The following PCNT variants were observed in gnomAD, a reference collection of about 807,000 sequenced individuals.
The protein encoded by PCNT is pericentrin, also known as kendrin.
PCNT carries 319 observed loss-of-function variants against 380.4 expected under a neutral mutation model. The observed-to-expected ratio is 0.84, with a 90% CI of 0.77 to 0.92. PCNT has a LOEUF of 0.92. Ranked by LOEUF, PCNT falls within the 40% of genes least tolerant of loss-of-function variation. The pLI is 0.00. For missense variants in PCNT, 4,400 were observed against 4,255.3 expected (o/e 1.03, Z -0.95); for synonymous variants, 1,845 against 1,735.2 (o/e 1.06, Z -1.57).
intron 16 of PCNT, 102 bp downstream of exon 16, chr21:46,381,942 GTGT>G (rs917619895): frequency 4.0e-6 from 5 of 1,263,082 alleles, no homozygotes; most frequent in Non-Finnish European, 5.8e-6. Context: ...TGCACTCATG[GTGT>G]TGTGCATTTA....
chr21:46,327,624 T>C (rs747917357), intron 2 of PCNT, among the ~76,000 whole-genome samples: 1 of 152,226 alleles, frequency 6.6e-6, no homozygotes, highest in Non-Finnish European at 1.5e-5. Flanking sequence ...TGAAGACAAG[T>C]GTCAGTTGTT....
rs2053722127 is a variant in PCNT at position 46,445,197 on chromosome 21, G to C, written c.9968-87G>C. The C allele has an allele frequency of 3.4e-6, 3 of 891,502 alleles. No individual in the cohort carries two copies. The African/African-American group carries it at 4.9e-5, about 15-fold the overall frequency. The allele number at this position is 891,502 out of a possible 1,614,324, so 55.2% of individuals were successfully genotyped here. The stretch of plus-strand genomic sequence containing the variant: ...TTACCAAAATTTACATGAATTCAGT[G>C]ATAGTGTTTCAAAATTGTGGAATTC... On this transcript the variant is annotated intron_variant, in intron 46 of 46. Coordinates refer to ENST00000359568, the MANE Select transcript of PCNT (RefSeq NM_006031.6).
rs775638326 is a variant in PCNT, at chr21:46,354,064, A to G, written c.1757A>G (p.His586Arg). Residue 586 changes from histidine (H) to arginine (R), a missense_variant, in exon 11 of 47, where the codon CAT (histidine) becomes CGT (arginine). His to Arg is a conservative substitution (Grantham distance 29). Coordinates refer to ENST00000359568, the MANE Select transcript of PCNT (RefSeq NM_006031.6). ...GTTGATGAACTCGAGCCTGAGCGAC[A>G]TAAGGTAATTGGCCGCGCGCTGAGA... The part of the protein sequence containing the change: ...DHVDELEPER[H>R]KESLPRFQAE... 31 of 1,613,868 alleles carry G rather than the reference A, an allele frequency of 1.9e-5. 1 individual carries two copies. The South Asian group carries it at 3.2e-4, about 17-fold the overall frequency.
chr21:46,344,500 G>A (rs575659129), intron 3 of PCNT, among the ~76,000 whole-genome samples: 1 of 152,214 alleles, frequency 6.6e-6, no homozygotes, highest in Non-Finnish European at 1.5e-5. Context: ...TTCCTCCGGG[G>A]GCCTTTCTAG....
rs145710874 is a variant in PCNT, at chr21:46,416,322, C to T, written c.6404C>T (p.Thr2135Met). ...GACACATGTGATGCCAATACAGCCA[C>T]GGGGGGTGTAACTGATGTTATCAAA... ...HIDTCDANTA[T>M]GGVTDVIKNQ... The change falls in exon 30 of 47, where the codon ACG (threonine) becomes ATG (methionine). Residue 2135 changes from threonine (T) to methionine (M), a missense_variant. Thr to Met is a moderately conservative substitution (Grantham distance 81, BLOSUM62 -1). Transcript: ENST00000359568. 25 of 1,613,796 alleles carry T rather than the reference C, an allele frequency of 1.5e-5. No individual in the cohort carries two copies. The highest frequency in any genetic ancestry group is 8.0e-5 in the African/African-American group (6 of 74,858).
At chr21:46,398,278 G>T in intron 24 of PCNT, 23 bp downstream of exon 24, 1 of 1,594,506 alleles carries the variant, frequency 6.3e-7, no homozygotes. Context: ...CAACGAGATG[G>T]GCACTCCCTG....
intron 11 of PCNT, 90 bp from the exon 12 acceptor site, chr21:46,355,362 G>A (rs543995621): frequency 7.3e-7 from 1 of 1,367,922 alleles, no homozygotes; most frequent in Non-Finnish European, 1.0e-6. Context: ...AGTTTTCTTT[G>A]TGCATAGCAG....
chr21:46,437,183 T>A, intron 40 of PCNT, 102 bp downstream of exon 40: 2 of 761,370 alleles, frequency 2.6e-6, no homozygotes, highest in Non-Finnish European at 4.5e-6. Flanking sequence ...TTGTTCTTCC[T>A]CCCTCGCTGC....
At chr21:46,418,523 G>A (rs756546158) in intron 31 of PCNT, among the ~76,000 whole-genome samples, 4 of 152,144 alleles carry the variant, frequency 2.6e-5, no homozygotes, top group Non-Finnish European at 4.4e-5. Flanking sequence ...CCCGGGCCAC[G>A]CTCCACCCTG....
At chr21:46,398,362 G>C (rs909970341) in intron 24 of PCNT, 107 bp downstream of exon 24, 10 of 1,203,424 alleles carry the variant, frequency 8.3e-6, no homozygotes, top group Non-Finnish European at 1.2e-5. Context: ...TCTTGTTTGG[G>C]CTGCAGCCAT....
intron 13 of PCNT, among the ~76,000 whole-genome samples, chr21:46,357,656 T>A (rs1361583297): frequency 6.6e-6 from 1 of 152,206 alleles, no homozygotes; most frequent in African/African-American, 2.4e-5. Flanking sequence ...GTCAAACGCC[T>A]GACCTCAAGT....
chr21:46,430,308 GA>G (rs1290721498), intron 36 of PCNT, 76 bp downstream of exon 36: 12 of 1,469,184 alleles, frequency 8.2e-6, no homozygotes, highest in Non-Finnish European at 1.1e-5. Context: ...GATGAAGGGA[GA>G]CAGAACCTCT....
Position 46,402,346 on chromosome 21 carries a change from G to A in PCNT, c.4978G>A (p.Glu1660Lys). The change falls in exon 27 of 47, where the codon GAA (glutamate) becomes AAA (lysine). Residue 1660 changes from glutamate (E) to lysine (K), a missense_variant. Glu to Lys is a moderately conservative substitution (Grantham distance 56, BLOSUM62 1). Coordinates refer to ENST00000359568, the MANE Select transcript of PCNT (RefSeq NM_006031.6). ...TTAATGAAAGGTTTTGGACTTAAAA[G>A]AACAGCTAGAAAAGATGAAAGGTGA... ...RRESEVLDLK[E>K]QLEKMKGDLE... 1 of 1,606,528 alleles carries A rather than the reference G, an allele frequency of 6.2e-7. No homozygotes were observed. The highest frequency in any genetic ancestry group is 1.1e-5 in the South Asian group (1 of 90,850).
chr21:46,324,974 G>T, intron 1 of PCNT: 1 of 878,548 alleles, frequency 1.1e-6, no homozygotes, highest in Admixed American at 2.0e-4. Context: ...CGTCCTGCCC[G>T]TCCGGGCCTG....
chr21:46,366,442 A>C, intron 14 of PCNT, 142 bp from the exon 15 acceptor site: 1 of 731,840 alleles, frequency 1.4e-6, no homozygotes. Flanking sequence ...TCGAGGGAAA[A>C]GTAGTAAGAG....
In PCNT at chr21:46,425,933, G is replaced by A. The variant is rs778163048; in HGVS notation, c.7282G>A (p.Glu2428Lys). 30 of 1,613,986 alleles carry A rather than the reference G, an allele frequency of 1.9e-5. No homozygotes were observed. In the Middle Eastern group the frequency reaches 6.6e-4, roughly 35 times the overall value. Residue 2428 changes from glutamate to lysine, a missense_variant, in exon 33 of 47, where the codon GAG (glutamate) becomes AAG (lysine). Transcript: ENST00000359568. This position sits in a 1 kb window ranked among gnomAD's most constrained non-coding sequence, Gnocchi z 4.2. ...GEPHPPRKED[E>K]IQDISLHGGK... ...GCCACACCCACCCCGGAAGGAAGAC[G>A]AGATACAGGACATCTCGCTCCATGG...
rs1391443471 is a variant in PCNT, at chr21:46,445,719, CAA to C, written c.*395_*396del. ...TGGAAACTTCATTTAAAAATAAAAA[CAA>C]AACAACTCAAAAAGGAATAAAATTT... On this transcript the variant is annotated 3_prime_UTR_variant, in exon 47 of 47. Coordinates refer to ENST00000359568, the MANE Select transcript of PCNT (RefSeq NM_006031.6). 1 of 182,894 alleles carries C rather than the reference CAA, an allele frequency of 5.5e-6. No individual in the cohort carries two copies. The highest frequency in any genetic ancestry group is 2.4e-5 in the African/African-American group (1 of 42,280). 11.3% of individuals were successfully genotyped at this position (182,894 alleles called of 1,614,324 possible).
At chr21:46,347,538 A>C (rs1221970283) in intron 6 of PCNT, 26 bp downstream of exon 6, 1 of 1,610,018 alleles carries the variant, frequency 6.2e-7, no homozygotes, top group Non-Finnish European at 8.5e-7. Context: ...TCTAAAATGC[A>C]CGCCTCTGTG....
At chr21:46,331,641 G>A (rs2083564932) in intron 2 of PCNT, among the ~76,000 whole-genome samples, 2 of 151,998 alleles carry the variant, frequency 1.3e-5, no homozygotes, top group Non-Finnish European at 2.9e-5. Flanking sequence ...CAGTGCACAC[G>A]TGTAGTCCCA....
Sources: gnomAD v4.1 joint callset for allele counts (sites outside exome capture counted in the v4.1 genomes callset) on GRCh38, gnomAD v4.1.1 for gene constraint, Gnocchi (gnomAD v3.1) non-coding constraint, MANE v1.5 for transcripts, NCBI Gene and HGNC (gene_info 2026-07-23, HGNC 2026-07-21) for gene names.